The following SEMA5A variants were observed in gnomAD, a reference collection of about 807,000 sequenced individuals.
The protein encoded by SEMA5A is semaphorin 5A.
A neutral mutation model predicts 135.5 loss-of-function variants in SEMA5A; 55 were observed. That is an observed-to-expected ratio of 0.41 (90% CI 0.33 to 0.51). SEMA5A has a LOEUF of 0.51. SEMA5A is among the 20% of genes least tolerant of loss of function. The pLI is 0.37. For synonymous variants in SEMA5A, 580 were observed against 546.5 expected (o/e 1.06, Z -0.85); for missense variants, 1,290 against 1,419.9 (o/e 0.91, Z 1.47).
At chr5:9,267,336 C>T (rs1248923791) in intron 5 of SEMA5A, among the ~76,000 whole-genome samples, 1 of 152,134 alleles carries the variant, frequency 6.6e-6, no homozygotes, top group Non-Finnish European at 1.5e-5. Flanking sequence ...TTGCCCGATC[C>T]ACTTGAAAAC....
chr5:9,542,499 G>A (rs1178315928), intron 1 of SEMA5A, among the ~76,000 whole-genome samples: 1 of 152,178 alleles, frequency 6.6e-6, no homozygotes, highest in East Asian at 1.9e-4. Flanking sequence ...AATGTACAAT[G>A]CTTCACTTTA....
At chr5:9,351,821 C>T (rs953277054) in intron 3 of SEMA5A, among the ~76,000 whole-genome samples, 1 of 152,132 alleles carries the variant, frequency 6.6e-6, no homozygotes, top group Non-Finnish European at 1.5e-5. Flanking sequence ...TTTTGGAAGC[C>T]AATCAAATCT....
chr5:9,360,887 G>C (rs1335120762), intron 3 of SEMA5A, among the ~76,000 whole-genome samples: 1 of 152,176 alleles, frequency 6.6e-6, no homozygotes, highest in Non-Finnish European at 1.5e-5. Flanking sequence ...TCCTAGGGGA[G>C]AGAGTATTAA....
At chr5:9,122,526 T>C (rs1314148801) in intron 14 of SEMA5A, 130 bp downstream of exon 14, 3 of 902,182 alleles carry the variant, frequency 3.3e-6, no homozygotes, top group East Asian at 6.3e-5. Context: ...AAGTTTTAAA[T>C]GGTGAATGTC....
chr5:9,063,757 A>G (rs1028052906), intron 17 of SEMA5A, among the ~76,000 whole-genome samples: 1 of 152,188 alleles, frequency 6.6e-6, no homozygotes, highest in Admixed American at 6.5e-5. Context: ...CAAGGAGCCA[A>G]GAGAGGCAGC....
intron 2 of SEMA5A, among the ~76,000 whole-genome samples, chr5:9,388,753 G>T (rs1756012264): frequency 1.3e-5 from 2 of 152,088 alleles, no homozygotes; most frequent in African/African-American, 4.8e-5. Context: ...CAAAAAATTA[G>T]CCGGGCATGG....
chr5:9,245,008 T>C (rs1748412153), intron 5 of SEMA5A, among the ~76,000 whole-genome samples: 1 of 152,184 alleles, frequency 6.6e-6, no homozygotes, highest in Non-Finnish European at 1.5e-5. Context: ...TTCAGCCTAA[T>C]CTCAAACAAA....
intron 1 of SEMA5A, among the ~76,000 whole-genome samples, chr5:9,477,735 GTTCACAAAGAGATGATCTA>G: frequency 6.6e-6 from 1 of 152,256 alleles, no homozygotes; most frequent in South Asian, 2.1e-4. Flanking sequence ...AGTCATATGT[GTTCACAAAGAGATGATCTA>G]AAATTGGAAC....
intron 1 of SEMA5A, among the ~76,000 whole-genome samples, chr5:9,541,126 T>A (rs928186041): frequency 6.6e-6 from 1 of 152,230 alleles, no homozygotes; most frequent in Non-Finnish European, 1.5e-5. Context: ...GTGAACGATT[T>A]GTCCTTGTGT....
intron 3 of SEMA5A, among the ~76,000 whole-genome samples, chr5:9,351,004 A>AATAAT (rs1376931838): frequency 1.3e-5 from 2 of 152,200 alleles, no homozygotes; most frequent in Admixed American, 1.3e-4. Flanking sequence ...CAGTAAACAC[A>AATAAT]ATAATAAAAC....
At chr5:9,312,972 G>A (rs1388015845) in intron 5 of SEMA5A, among the ~76,000 whole-genome samples, 2 of 152,110 alleles carry the variant, frequency 1.3e-5, no homozygotes, top group Non-Finnish European at 2.9e-5. Context: ...ACAGAATGGT[G>A]GGAGAGGAGT....
At chr5:9,299,324 G>A (rs184211325) in intron 5 of SEMA5A, among the ~76,000 whole-genome samples, 42 of 152,268 alleles carry the variant, frequency 2.8e-4, no homozygotes, top group Middle Eastern at 3.4e-3. Flanking sequence ...GAATTGATGT[G>A]GATGGAGAGT....
At chr5:9,177,832 C>T (rs1283875969) in intron 11 of SEMA5A, among the ~76,000 whole-genome samples, 1 of 152,212 alleles carries the variant, frequency 6.6e-6, no homozygotes, top group Non-Finnish European at 1.5e-5. Flanking sequence ...GAAATGGACA[C>T]ACGGGGACAC....
rs59096330 is a variant in SEMA5A, at chr5:9,310,802, CAT to C, written c.270+7568_270+7569del. 3.4e-4 allele frequency among the ~76,000 whole-genome samples: 50 copies of C among 146,232 alleles called. 1 individual carries two copies. The highest frequency in any genetic ancestry group is 1.2e-3 in the African/African-American group (47 of 40,274). On this transcript the variant is annotated intron_variant, in intron 5 of 22. Coordinates refer to ENST00000382496, the MANE Select transcript of SEMA5A (RefSeq NM_003966.3). ...TAAAGATTCATAGTTTGCATATATA[CAT>C]ATATATATATATGAACACACATATG...
At chr5:9,424,507 AC>A (rs1757575928) in intron 2 of SEMA5A, among the ~76,000 whole-genome samples, 1 of 151,946 alleles carries the variant, frequency 6.6e-6, no homozygotes, top group Admixed American at 6.6e-5. Flanking sequence ...TATGTCAATG[AC>A]CCCCAGATAC....
At chr5:9,351,027 C>T (rs757767851) in intron 3 of SEMA5A, among the ~76,000 whole-genome samples, 20 of 152,172 alleles carry the variant, frequency 1.3e-4, no homozygotes, top group Admixed American at 2.6e-4. Context: ...GTATAAATAT[C>T]CCTGGACACA....
At chr5:9,367,959 T>C (rs1193344075) in intron 3 of SEMA5A, among the ~76,000 whole-genome samples, 1 of 152,222 alleles carries the variant, frequency 6.6e-6, no homozygotes, top group Non-Finnish European at 1.5e-5. Flanking sequence ...GAGTAAAAGC[T>C]TTCTGAGGCC....
chr5:9,190,319 G>A lies in SEMA5A; in HGVS notation c.1221C>T (p.Val407=), dbSNP rs749526204. 25 of 1,613,940 alleles carry A rather than the reference G, an allele frequency of 1.5e-5. No individual in the cohort carries two copies. In the Admixed American group the frequency reaches 2.5e-4, roughly 16 times the overall value. Residue 407 remains valine (V), a synonymous_variant, in exon 11 of 23, where the codon GTC becomes GTT. Coordinates refer to ENST00000382496, the MANE Select transcript of SEMA5A (RefSeq NM_003966.3). ...GCGCTTCTCTGCCCTGCACCACGTC[G>A]ACTGCCACGTGGGAAAAGCGGCTAT... ...EDNSRFSHVA[V]DVVQGREALV... is the part of the protein sequence containing the mutation.
intron 1 of SEMA5A, among the ~76,000 whole-genome samples, chr5:9,481,078 G>A (rs535055584): frequency 5.9e-5 from 9 of 151,974 alleles, no homozygotes; most frequent in South Asian, 4.2e-4. Flanking sequence ...CCTGAGTAGC[G>A]GGGATTACAG....
Sources: allele counts gnomAD v4.1 joint callset (sites outside exome capture counted in the v4.1 genomes callset), GRCh38; gene constraint gnomAD v4.1.1; transcripts MANE v1.5; gene names NCBI Gene and HGNC (gene_info 2026-07-23, HGNC 2026-07-21).